AIDA: variants seen among roughly 807,000 people sequenced by gnomAD.
AIDA encodes axin interactor, dorsalization-associated protein.
A neutral mutation model predicts 42.7 loss-of-function variants in AIDA; 18 were observed. That is an observed-to-expected ratio of 0.42 (90% confidence interval 0.29 to 0.63). The LOEUF (loss-of-function observed/expected upper bound fraction) is 0.63. Ranked by LOEUF, AIDA falls within the 20% of genes least tolerant of loss-of-function variation. AIDA has a pLI of 0.19. For missense variants in AIDA, 250 were observed against 354.1 expected, an observed-to-expected ratio of 0.71 and a Z score of 2.36; for synonymous variants, 104 against 122.9, an observed-to-expected ratio of 0.85 and a Z score of 1.02.
At chr1:222,677,493 T>C (rs566701094) in intron 6 of AIDA, among the ~76,000 whole-genome samples, 30 of 152,356 alleles carry the variant, frequency 2.0e-4, no homozygotes, top group Non-Finnish European at 3.4e-4. Context: ...GTTTTGTTCC[T>C]GATCTGAAAA....
At chr1:222,709,743 A>C (rs1655943393) in intron 1 of AIDA, among the ~76,000 whole-genome samples, 1 of 152,208 alleles carries the variant, frequency 6.6e-6, no homozygotes, top group African/African-American at 2.4e-5. Context: ...GGAATGTGGG[A>C]GCACTTACTC....
chr1:222,692,213 A>G (rs1437283001), intron 4 of AIDA, among the ~76,000 whole-genome samples: 2 of 152,172 alleles, frequency 1.3e-5, no homozygotes, highest in Non-Finnish European at 1.5e-5. Context: ...AGGTGAGTTT[A>G]TAATTTCACA....
At chr1:222,703,604 T>C (rs1156892893) in intron 1 of AIDA, among the ~76,000 whole-genome samples, 1 of 152,206 alleles carries the variant, frequency 6.6e-6, no homozygotes, top group African/African-American at 2.4e-5. Flanking sequence ...CAACCAGAGA[T>C]ACTTTATCAG....
At chr1:222,696,443 C>T (rs1655524334) in intron 2 of AIDA, among the ~76,000 whole-genome samples, 1 of 152,162 alleles carries the variant, frequency 6.6e-6, no homozygotes, top group Non-Finnish European at 1.5e-5. Context: ...TTCTTTTAAT[C>T]CTCACTATAA....
At position 222,673,417 on chromosome 1, in the gene AIDA, A is replaced by T; in HGVS notation, c.602T>A (p.Leu201Ter). The change falls in exon 8 of 10, where the codon TTA becomes TAA. Residue 201 changes from leucine (L) to a stop codon, truncating the protein, a stop_gained. Coordinates refer to ENST00000340020, the MANE Select transcript of AIDA (RefSeq NM_022831.4). LOFTEE classifies it high-confidence loss of function. ...VSVKDLNGIDLTPVQDTPVAS... is the reference protein window; with the variant it reads ...VSVKDLNGID ...CACAGGAGTATCTTGCACAGGAGTT[A>T]AGTCTATGCCATTCAGATCTAAAGA... 1 of 1,601,012 alleles carries T rather than the reference A, an allele frequency of 6.2e-7. No individual in the cohort carries two copies.
At chr1:222,682,131 G>A (rs1664665894) in intron 6 of AIDA, among the ~76,000 whole-genome samples, 1 of 152,122 alleles carries the variant, frequency 6.6e-6, no homozygotes, top group South Asian at 2.1e-4. Flanking sequence ...CAGAGAAGAG[G>A]AAGGCTGCCA....
chr1:222,671,604 A>C (rs1312736306), intron 8 of AIDA, among the ~76,000 whole-genome samples: 1 of 152,242 alleles, frequency 6.6e-6, no homozygotes, highest in African/African-American at 2.4e-5. Context: ...GGAGGAAAAA[A>C]AAACCAATTG....
At chr1:222,671,598 G>GA (rs971369775) in intron 8 of AIDA, among the ~76,000 whole-genome samples, 23 of 150,926 alleles carry the variant, frequency 1.5e-4, no homozygotes, top group African/African-American at 2.4e-4. Context: ...GGCAAGGGAG[G>GA]AAAAAAAAAC....
intron 4 of AIDA, among the ~76,000 whole-genome samples, chr1:222,693,263 C>T (rs1655419501): frequency 6.6e-6 from 1 of 151,988 alleles, no homozygotes; most frequent in Non-Finnish European, 1.5e-5. Flanking sequence ...TGTGCATTTG[C>T]CCATATTGCA....
chr1:222,688,811 C>T (rs975512510), intron 4 of AIDA, among the ~76,000 whole-genome samples: 2 of 152,114 alleles, frequency 1.3e-5, no homozygotes, highest in African/African-American at 4.8e-5. Flanking sequence ...GTTGGCCAGG[C>T]TGGTCTCGAA....
intron 6 of AIDA, among the ~76,000 whole-genome samples, chr1:222,677,384 C>A (rs1482343490): frequency 6.6e-6 from 1 of 152,088 alleles, no homozygotes; most frequent in Non-Finnish European, 1.5e-5. Context: ...AGGTTTCCCC[C>A]CCTCTAATTT....
chr1:222,698,154 T>G (rs1655573899), intron 2 of AIDA, among the ~76,000 whole-genome samples: 3 of 152,164 alleles, frequency 2.0e-5, no homozygotes, highest in African/African-American at 7.2e-5. Flanking sequence ...GAACTAATCA[T>G]AAAAGAAGAC....
intron 1 of AIDA, among the ~76,000 whole-genome samples, chr1:222,708,453 C>T (rs1166977071): frequency 6.6e-6 from 1 of 151,704 alleles, no homozygotes; most frequent in Non-Finnish European, 1.5e-5. Context: ...CTGCAACCTC[C>T]ACTTCCCAGG....
At chr1:222,698,974 C>T (rs1157484594) in intron 2 of AIDA, among the ~76,000 whole-genome samples, 2 of 149,922 alleles carry the variant, frequency 1.3e-5, no homozygotes, top group East Asian at 2.0e-4. Context: ...TACAGGTGCC[C>T]GCCACCACGC....
At chr1:222,712,069 G>A (rs1481237686) in intron 1 of AIDA, 139 bp downstream of exon 1, 5 of 1,327,618 alleles carry the variant, frequency 3.8e-6, no homozygotes, top group Non-Finnish European at 5.2e-6. Context: ...TGGTGGCGAG[G>A]GATCTCAGCC....
chr1:222,694,106 C>A, intron 3 of AIDA, 104 bp downstream of exon 3: 1 of 1,077,786 alleles, frequency 9.3e-7, no homozygotes, highest in Non-Finnish European at 1.3e-6. Context: ...TGTTATAAAA[C>A]ACTTCTGAGA....
chr1:222,687,140 T>A lies in AIDA; in HGVS notation c.354-104A>T. ...CAGGCAAGATGCTGATATAAAAAAA[T>A]GCTGATAGGCCGGGTGTGGTGGCTC... On this transcript the variant is annotated intron_variant, in intron 5 of 9. Coordinates refer to ENST00000340020, the MANE Select transcript of AIDA (RefSeq NM_022831.4). The A allele has an allele frequency of 2.6e-6, 4 of 1,516,480 alleles. No individual in the cohort carries two copies. In the South Asian group the frequency reaches 5.0e-5, roughly 19 times the overall value. The allele number at this position is 1,516,480 out of a possible 1,614,324, so 93.9% of individuals were successfully genotyped here. A position where few individuals can be genotyped will look rare whatever the true frequency, so the allele number is the denominator to read the frequency against.
chr1:222,674,362 G>T (rs1379037722), intron 7 of AIDA, among the ~76,000 whole-genome samples: 1 of 152,136 alleles, frequency 6.6e-6, no homozygotes, highest in Admixed American at 6.5e-5. Context: ...GGGAAGAAGT[G>T]AAAAGAACTT....
At chr1:222,691,132 A>C (rs1655357988) in intron 4 of AIDA, among the ~76,000 whole-genome samples, 1 of 152,186 alleles carries the variant, frequency 6.6e-6, no homozygotes, top group African/African-American at 2.4e-5. Context: ...TTATTAGAAG[A>C]CATTTGAGCC....
Sources: allele counts gnomAD v4.1 joint callset (sites outside exome capture counted in the v4.1 genomes callset), GRCh38; gene constraint gnomAD v4.1.1; transcripts MANE v1.5; gene names NCBI Gene and HGNC (gene_info 2026-07-23, HGNC 2026-07-21).